RIMS4: variants seen among roughly 807,000 people sequenced by gnomAD.
RIMS4 encodes regulating synaptic membrane exocytosis 4, also known as regulating synaptic membrane exocytosis protein 4.
Under a neutral mutation model 29.0 loss-of-function variants are expected in RIMS4, and 9 were observed. That is an observed-to-expected ratio of 0.31 (90% confidence interval 0.19 to 0.54). RIMS4 has a LOEUF of 0.54. RIMS4 is among the 20% of genes least tolerant of loss of function. The probability of loss-of-function intolerance (pLI) is 0.94; values close to 1 mark genes in which losing one functional copy is unlikely to be tolerated. For missense variants in RIMS4, 193 were observed against 365.7 expected (o/e 0.53, Z 3.85); for synonymous variants, 130 against 152.9 (o/e 0.85, Z 1.10).
At chr20:44,802,501 C>T (rs1055378230) in intron 1 of RIMS4, among the ~76,000 whole-genome samples, 1 of 152,176 alleles carries the variant, frequency 6.6e-6, no homozygotes, top group African/African-American at 2.4e-5. Context: ...CCCAGGGTCT[C>T]TCACACCTAC....
At chr20:44,801,630 G>C (rs749508001) in intron 1 of RIMS4, among the ~76,000 whole-genome samples, 3 of 152,190 alleles carry the variant, frequency 2.0e-5, no homozygotes, top group African/African-American at 4.8e-5. Context: ...TCCCAGAGCT[G>C]TCTGGGTCCA....
chr20:44,807,905 G>A (rs546878017), intron 1 of RIMS4, among the ~76,000 whole-genome samples: 6 of 151,882 alleles, frequency 4.0e-5, no homozygotes, highest in South Asian at 2.1e-4. Flanking sequence ...GTCGCCAGCC[G>A]CACCCCCAGG....
intron 2 of RIMS4, among the ~76,000 whole-genome samples, chr20:44,759,171 T>C (rs989043627): frequency 6.6e-6 from 1 of 152,194 alleles, no homozygotes; most frequent in Non-Finnish European, 1.5e-5. Flanking sequence ...TCTGTTATCC[T>C]GAGCACCAAA....
intron 1 of RIMS4, 99 bp from the exon 2 acceptor site, chr20:44,771,512 G>A: frequency 7.3e-7 from 1 of 1,367,956 alleles, no homozygotes; most frequent in Non-Finnish European, 1.0e-6. Context: ...AGCAGCTGGG[G>A]GCTGTCCAGC....
chr20:44,756,010 G>C lies in RIMS4; in HGVS notation c.*124C>G. On this transcript the variant is annotated 3_prime_UTR_variant, in exon 6 of 6. Transcript: ENST00000372851. The surrounding 1 kb of genome is among the most constrained non-coding windows in gnomAD (Gnocchi z 5.9). ...GGCCCAAGGGGGGGCAGGTCTCCCC[G>C]TTCTGCTTCCCCACTGTGGGGGAGA... 3.8e-6 allele frequency: 3 copies of C among 796,138 alleles called. No individual in the cohort carries two copies. Among genetic ancestry groups the C allele is most frequent in the Non-Finnish European group, 6.2e-6 (3 of 487,210 alleles). 49.3% of individuals were successfully genotyped at this position (796,138 alleles called of 1,614,324 possible).
At chr20:44,788,888 G>A (rs1490112405) in intron 1 of RIMS4, among the ~76,000 whole-genome samples, 1 of 152,004 alleles carries the variant, frequency 6.6e-6, no homozygotes, top group African/African-American at 2.4e-5. Flanking sequence ...CTGGAGCAGG[G>A]CTGGGCATGT....
At chr20:44,771,737 T>A (rs186724870) in intron 1 of RIMS4, among the ~76,000 whole-genome samples, 2 of 152,344 alleles carry the variant, frequency 1.3e-5, no homozygotes, top group Admixed American at 1.3e-4. Context: ...CTACTATGTG[T>A]CCTACTGTGT....
chr20:44,762,189 T>C (rs1369232688), intron 2 of RIMS4, among the ~76,000 whole-genome samples: 1 of 152,238 alleles, frequency 6.6e-6, no homozygotes, highest in African/African-American at 2.4e-5. Flanking sequence ...ATCACTGATC[T>C]GACAGGAGGC....
Position 44,756,851 on chromosome 20 carries a change from G to A in RIMS4, c.591+47C>T, listed in dbSNP as rs778685075. 14 of 1,599,354 alleles carry A rather than the reference G, an allele frequency of 8.8e-6. No homozygotes were observed. The East Asian group carries it at 3.1e-4, about 36-fold the overall frequency. On this transcript the variant is annotated intron_variant, in intron 5 of 5. Coordinates refer to ENST00000372851, the MANE Select transcript of RIMS4 (RefSeq NM_182970.4). The surrounding 1 kb of genome is among the most constrained non-coding windows in gnomAD (Gnocchi z 5.9). Reference sequence around the variant, plus strand: ...CTCCTCTCATTCTGGTACTGTGCATGTGTGCTCGTGCACACACACACACGT... The same window carrying A: ...CTCCTCTCATTCTGGTACTGTGCATATGTGCTCGTGCACACACACACACGT...
In RIMS4 at chr20:44,773,490, A is replaced by AC. The variant is rs200154213; in HGVS notation, c.98-2078dup. 1.6e-3 allele frequency among the ~76,000 whole-genome samples: 239 copies of AC among 148,026 alleles called. 1 individual carries two copies. Among genetic ancestry groups the AC allele is most frequent in the Middle Eastern group, 6.8e-3 (2 of 292 alleles). On this transcript the variant is annotated intron_variant, in intron 1 of 5. Transcript: ENST00000372851. ...CCCTGTCAGACGTGCAGGAACAAAC[A>AC]CCCCCCCCACACCCCACACTAGGGA...
intron 1 of RIMS4, among the ~76,000 whole-genome samples, chr20:44,788,516 T>G (rs962106687): frequency 9.2e-5 from 14 of 152,160 alleles, no homozygotes; most frequent in African/African-American, 3.4e-4. Context: ...TCCATACTTA[T>G]AATCCCAGCA....
chr20:44,800,378 G>T (rs1601045593), intron 1 of RIMS4, among the ~76,000 whole-genome samples: 1 of 151,970 alleles, frequency 6.6e-6, no homozygotes, highest in East Asian at 1.9e-4. Context: ...AGTAATAACA[G>T]CATAAAGCAT....
At chr20:44,778,391 T>G (rs1347752913) in intron 1 of RIMS4, among the ~76,000 whole-genome samples, 3 of 152,208 alleles carry the variant, frequency 2.0e-5, no homozygotes, top group African/African-American at 7.2e-5. Context: ...GTATTAGAAT[T>G]CAGGCTGGGT....
At chr20:44,800,350 T>C (rs1002873570) in intron 1 of RIMS4, among the ~76,000 whole-genome samples, 4 of 151,974 alleles carry the variant, frequency 2.6e-5, no homozygotes, top group Non-Finnish European at 5.9e-5. Flanking sequence ...TTTTTTACGA[T>C]GTATCTACAT....
intron 1 of RIMS4, among the ~76,000 whole-genome samples, chr20:44,786,520 G>A (rs1406727652): frequency 6.6e-6 from 1 of 152,172 alleles, no homozygotes; most frequent in Non-Finnish European, 1.5e-5. Context: ...TGCCGAGGAC[G>A]CAGCATTGAA....
At chr20:44,769,991 T>G (rs1001828738) in intron 2 of RIMS4, among the ~76,000 whole-genome samples, 5 of 152,248 alleles carry the variant, frequency 3.3e-5, no homozygotes, top group Admixed American at 2.0e-4. Context: ...AGCCACAAGT[T>G]GCTAGCGAGC....
At position 44,755,928 on chromosome 20, in the gene RIMS4, A is replaced by G. The variant is rs2066057581; in HGVS notation, c.*206T>C. 3.6e-6 allele frequency: 2 copies of G among 550,070 alleles called. No individual in the cohort carries two copies. The highest frequency in any genetic ancestry group is 3.0e-5 in the Admixed American group (1 of 32,868). 34.1% of individuals were successfully genotyped at this position (550,070 alleles called of 1,614,324 possible). On this transcript the variant is annotated 3_prime_UTR_variant, in exon 6 of 6. Coordinates refer to ENST00000372851, the MANE Select transcript of RIMS4 (RefSeq NM_182970.4). ...AACCGGCCAAGTCAAAAGTGTAGCC[A>G]ATCCCGTTGGGAGAGGGGAGGTCTC...
chr20:44,788,325 C>G (rs1367230990), intron 1 of RIMS4, among the ~76,000 whole-genome samples: 1 of 152,200 alleles, frequency 6.6e-6, no homozygotes, highest in South Asian at 2.1e-4. Flanking sequence ...GCTACAGTAT[C>G]GCACAGTGCA....
At chr20:44,780,965 A>T (rs1344927484) in intron 1 of RIMS4, among the ~76,000 whole-genome samples, 1 of 152,124 alleles carries the variant, frequency 6.6e-6, no homozygotes, top group Non-Finnish European at 1.5e-5. Context: ...GTGCTTTGTA[A>T]CTCTAAAGGG....
Sources: gnomAD v4.1 joint callset for allele counts (sites outside exome capture counted in the v4.1 genomes callset) on GRCh38, gnomAD v4.1.1 for gene constraint, Gnocchi (gnomAD v3.1) non-coding constraint, MANE v1.5 for transcripts, NCBI Gene and HGNC (gene_info 2026-07-23, HGNC 2026-07-21) for gene names.